The following LRRC41 variants were observed in gnomAD, a reference collection of about 807,000 sequenced individuals.
LRRC41 encodes leucine-rich repeat-containing protein 41.
Under a neutral mutation model 72.1 loss-of-function variants are expected in LRRC41, and 17 were observed. The ratio of observed to expected loss-of-function variants is 0.24; its 90% confidence interval spans 0.16 to 0.35. The LOEUF (loss-of-function observed/expected upper bound fraction) is 0.35, where lower values mean the gene tolerates loss of function less well. LRRC41 is among the 10% of genes least tolerant of loss of function. LRRC41 has a pLI of 1.00. For synonymous variants in LRRC41, 427 were observed against 431.0 expected (o/e 0.99, Z 0.11); for missense variants, 759 against 1,065.0 (o/e 0.71, Z 4.00).
chr1:46,300,197 T>G (rs1365674190), intron 1 of LRRC41: 2 of 152,094 alleles, frequency 1.3e-5, no homozygotes, highest in African/African-American at 4.8e-5. Flanking sequence ...CTGGGTGTTG[T>G]GGGGCACGCC....
intron 3 of LRRC41, among the ~76,000 whole-genome samples, chr1:46,295,189 A>G (rs1481452288): frequency 1.3e-5 from 2 of 151,896 alleles, no homozygotes; most frequent in Non-Finnish European, 2.9e-5. Flanking sequence ...TCTCCCGAGT[A>G]TCTGGGACTA....
At chr1:46,288,863 A>C (rs921277167) in intron 3 of LRRC41, among the ~76,000 whole-genome samples, 2 of 152,264 alleles carry the variant, frequency 1.3e-5, no homozygotes, top group African/African-American at 4.8e-5. Flanking sequence ...CTTTGAGTGA[A>C]GGCAAAGAAG....
In LRRC41 at chr1:46,303,260, C is replaced by A. The variant is rs759764386; in HGVS notation, c.63G>T (p.Thr21=). The A allele has an allele frequency of 1.9e-6, 3 of 1,546,514 alleles. No homozygotes were observed. The highest frequency in any genetic ancestry group is 1.4e-5 in the African/African-American group (1 of 72,850). The change falls in exon 1 of 10, where the codon ACG becomes ACT. Residue 21 remains threonine, a synonymous_variant. Coordinates refer to ENST00000617190, the MANE Select transcript of LRRC41 (RefSeq NM_006369.5). ...SCWFCEVAAA[T]TMEATSREAA... is the part of the protein sequence containing the mutation. ...CCTCCCGGGACGTGGCCTCCATGGT[C>A]GTTGCCGCCGCTACCTCACAGAACC... is the stretch of plus-strand genomic sequence containing the variant.
At chr1:46,301,269 TCCC>T (rs1661217558) in intron 1 of LRRC41, among the ~76,000 whole-genome samples, 1 of 152,086 alleles carries the variant, frequency 6.6e-6, no homozygotes. Context: ...TGCTGCTGCT[TCCC>T]AACCTGGGCC....
intron 2 of LRRC41, 30 bp downstream of exon 2, chr1:46,298,254 T>G (rs2148326259): frequency 1.4e-6 from 2 of 1,442,858 alleles, no homozygotes; most frequent in Non-Finnish European, 1.9e-6. Context: ...TCATAATCAT[T>G]GACTGAGAAA....
intron 3 of LRRC41, among the ~76,000 whole-genome samples, chr1:46,291,315 C>A (rs1232137165): frequency 2.6e-5 from 4 of 151,962 alleles, no homozygotes; most frequent in Non-Finnish European, 4.4e-5. Flanking sequence ...ACTATAAATT[C>A]TAAGGAGTAG....
Position 46,279,011 on chromosome 1 carries a change from C to A in LRRC41, c.2293G>T (p.Gly765Cys). 6.2e-7 allele frequency: 1 copy of A among 1,613,728 alleles called. No individual in the cohort carries two copies. The highest frequency in any genetic ancestry group is 8.5e-7 in the Non-Finnish European group (1 of 1,179,878). Residue 765 changes from glycine to cysteine, a missense_variant, in exon 10 of 10, where the codon GGT becomes TGT. Physicochemically the swap from Gly to Cys is radical, Grantham distance 159. Transcript: ENST00000617190. This position sits in a 1 kb window ranked among gnomAD's most constrained non-coding sequence, Gnocchi z 4.5. ...CAGTTTTGGAAGAGGCGCAGGTGAC[C>A]AAAGGCTCCACGGCCCCAGCGCTCC... The part of the protein sequence containing the change: ...RLERWGRGAF[G>C]HLRLFQNWLD...
At chr1:46,288,585 C>T (rs966296580) in intron 3 of LRRC41, among the ~76,000 whole-genome samples, 4 of 152,206 alleles carry the variant, frequency 2.6e-5, no homozygotes, top group Admixed American at 1.3e-4. Flanking sequence ...TTGATCCTTA[C>T]CCTGCCTCCA....
chr1:46,301,911 G>A (rs1014289510), intron 1 of LRRC41: 19 of 970,092 alleles, frequency 2.0e-5, no homozygotes, highest in East Asian at 1.2e-4. Context: ...CCCTCACAGA[G>A]CCAGCAGCCT....
Position 46,303,383 on chromosome 1 carries a change from C to T in LRRC41, c.-61G>A. 7.1e-7 allele frequency: 1 copy of T among 1,406,468 alleles called. No homozygotes were observed. Among genetic ancestry groups the T allele is most frequent in the South Asian group, 1.4e-5 (1 of 70,950 alleles). 87.1% of individuals were successfully genotyped at this position (1,406,468 alleles called of 1,614,324 possible). On this transcript the variant is annotated 5_prime_UTR_variant, in exon 1 of 10. Coordinates refer to ENST00000617190, the MANE Select transcript of LRRC41 (RefSeq NM_006369.5). Reference sequence around the variant, plus strand: ...CGGACCGCCATCTTGAAAAGGTCAGCAGTTAGGACGGCTCCATAAGCGATA... The same window carrying T: ...CGGACCGCCATCTTGAAAAGGTCAGTAGTTAGGACGGCTCCATAAGCGATA...
At chr1:46,303,059 C>T (rs1661280172) in intron 1 of LRRC41, 65 bp downstream of exon 1, 1 of 1,341,800 alleles carries the variant, frequency 7.5e-7, no homozygotes, top group East Asian at 3.0e-5. Flanking sequence ...TCGCCCCCCG[C>T]GCCCCCCGGC....
rs1660891758 is a variant in LRRC41, at chr1:46,286,755, A to G, written c.358-256T>C. ...GTTCCAGAGACCATGCTTTTATTAT[A>G]GTGTCTCCACTGAAACACTCACCCC... On this transcript the variant is annotated intron_variant, in intron 3 of 9. Transcript: ENST00000617190. This position sits in a 1 kb window ranked among gnomAD's most constrained non-coding sequence, Gnocchi z 5.5. Among the ~76,000 whole-genome samples the G allele has an allele frequency of 6.6e-6, 1 of 152,130 alleles. No homozygotes were observed. The highest frequency in any genetic ancestry group is 1.5e-5 in the Non-Finnish European group (1 of 68,016).
rs1169117781 is a variant in LRRC41, at chr1:46,302,082, A to G, written c.199+1042T>C. 3.0e-6 allele frequency: 3 copies of G among 984,794 alleles called. No homozygotes were observed. Among genetic ancestry groups the G allele is most frequent in the South Asian group, 4.7e-5 (1 of 21,268 alleles). The allele number at this position is 984,794 out of a possible 1,614,324, so 61.0% of individuals were successfully genotyped here. A position where few individuals can be genotyped will look rare whatever the true frequency, so the allele number is the denominator to read the frequency against. On this transcript the variant is annotated intron_variant, in intron 1 of 9. Transcript: ENST00000617190. This position sits in a 1 kb window ranked among gnomAD's most constrained non-coding sequence, Gnocchi z 4.7. ...ACCCACAGCCCCGCCTCCCAGCCCA[A>G]CTGGCCGGTTCGCCCTCCCCGGCCG...
At chr1:46,299,833 C>A (rs376059105) in intron 1 of LRRC41, 1 of 151,128 alleles carries the variant, frequency 6.6e-6, no homozygotes, top group Admixed American at 6.6e-5. Context: ...GCCGAGATGG[C>A]GCCACTGCAC....
chr1:46,285,940 C>G lies in LRRC41; in HGVS notation c.917G>C (p.Arg306Pro), dbSNP rs754488210. The change falls in exon 4 of 10, where the codon CGT becomes CCT. Residue 306 changes from arginine (R) to proline (P), a missense_variant. Around this residue, in one of 4 missense-constraint regions of LRRC41, gnomAD observed 427 missense variants for 520.9 expected, o/e 0.82. Coordinates refer to ENST00000617190, the MANE Select transcript of LRRC41 (RefSeq NM_006369.5). This position sits in a 1 kb window ranked among gnomAD's most constrained non-coding sequence, Gnocchi z 5.3. ...RCAAALMASRRKSEAKQMPRA... is the reference protein window; with the variant it reads ...RCAAALMASRPKSEAKQMPRA... ...GGGCATCTGCTTGGCTTCACTCTTACGCCGGCTGGCCATCAGGGCTGCAGC... is the reference window on the plus strand; with the variant it reads ...GGGCATCTGCTTGGCTTCACTCTTAGGCCGGCTGGCCATCAGGGCTGCAGC... 6 of 1,534,572 alleles carry G rather than the reference C, an allele frequency of 3.9e-6. No homozygotes were observed. In the South Asian group the frequency reaches 5.1e-5, roughly 13 times the overall value.
chr1:46,284,167 T>G (rs570620139), intron 4 of LRRC41: 3 of 152,098 alleles, frequency 2.0e-5, no homozygotes, highest in African/African-American at 7.3e-5. Context: ...ATAACTAAGG[T>G]TGTGAAGAAC....
intron 1 of LRRC41, among the ~76,000 whole-genome samples, chr1:46,301,114 C>G (rs1390396924): frequency 6.6e-6 from 1 of 152,052 alleles, no homozygotes; most frequent in Non-Finnish European, 1.5e-5. Flanking sequence ...ACCCCTTTTC[C>G]CTCCAACCTG....
At position 46,278,398 on chromosome 1, in the gene LRRC41, C is replaced by T. The variant is rs768029186; in HGVS notation, c.*467G>A. The T allele has an allele frequency of 1.5e-4, 180 of 1,212,962 alleles. No individual in the cohort carries two copies. Among genetic ancestry groups the T allele is most frequent in the Non-Finnish European group, 1.9e-4 (164 of 852,560 alleles). The allele number at this position is 1,212,962 out of a possible 1,614,324, so 75.1% of individuals were successfully genotyped here. A position where few individuals can be genotyped will look rare whatever the true frequency, so the allele number is the denominator to read the frequency against. ...GGGAGAAAATCATCAAGAAGGGCTG[C>T]ATGATGTTTGCCCAAAATTTATTTT... On this transcript the variant is annotated 3_prime_UTR_variant, in exon 10 of 10. Transcript: ENST00000617190.
At chr1:46,298,073 G>A (rs914942634) in intron 2 of LRRC41, among the ~76,000 whole-genome samples, 12 of 152,146 alleles carry the variant, frequency 7.9e-5, no homozygotes, top group African/African-American at 2.9e-4. Context: ...ATTGTGGTGT[G>A]CCTGTGTCTC....
Sources: gnomAD v4.1 joint callset for allele counts (sites outside exome capture counted in the v4.1 genomes callset) on GRCh38, gnomAD v4.1.1 for gene constraint, gnomAD v4.1.1 regional missense constraint, Gnocchi (gnomAD v3.1) non-coding constraint, MANE v1.5 for transcripts, NCBI Gene and HGNC (gene_info 2026-07-23, HGNC 2026-07-21) for gene names.